NAB1: variants seen among roughly 807,000 people sequenced by gnomAD.
NAB1 encodes the protein NGFI-A binding protein 1, also known as NGFI-A-binding protein 1.
NAB1 carries 25 observed loss-of-function variants against 49.9 expected under a neutral mutation model. The observed-to-expected ratio is 0.50, with a 90% CI of 0.37 to 0.70. The LOEUF is 0.70. Ranked by LOEUF, NAB1 falls within the 30% of genes least tolerant of loss-of-function variation. The pLI, the probability that NAB1 is intolerant of heterozygous loss-of-function variation, is 0.00. For missense variants in NAB1, 489 were observed against 575.9 expected (o/e 0.85, Z 1.54); for synonymous variants, 198 against 215.6 (o/e 0.92, Z 0.71).
chr2:190,650,431 A>T (rs1490356826), intron 2 of NAB1, among the ~76,000 whole-genome samples: 2 of 152,226 alleles, frequency 1.3e-5, no homozygotes, highest in Non-Finnish European at 2.9e-5. Context: ...ATAATATGAG[A>T]TTGCATAGGA....
In NAB1 at chr2:190,690,386, C is replaced by T. The variant is rs1695896096; in HGVS notation, c.*53C>T. 7.5e-7 allele frequency: 1 copy of T among 1,332,914 alleles called. No individual in the cohort carries two copies. 82.6% of individuals were successfully genotyped at this position (1,332,914 alleles called of 1,614,324 possible). ...AATGGCATCAGATTTAAGGATAATA[C>T]TCCATCATAGAAATAAGCCTTAATA... is the stretch of plus-strand genomic sequence containing the variant. On this transcript the variant is annotated 3_prime_UTR_variant, in exon 10 of 10. Transcript: ENST00000337386.
Position 190,659,576 on chromosome 2 carries a change from A to G in NAB1, c.400A>G (p.Thr134Ala). The G allele has an allele frequency of 1.2e-6, 2 of 1,614,234 alleles. No individual in the cohort carries two copies. Among genetic ancestry groups the G allele is most frequent in the Non-Finnish European group, 1.7e-6 (2 of 1,180,040 alleles). ...HLKIPKCAAT[T>A]CVQSLGQGKS... ...AAAAATCCCCAAATGTGCTGCCACC[A>G]CCTGTGTGCAGAGCTTGGGACAGGG... Residue 134 changes from threonine (T) to alanine (A), a missense_variant, in exon 4 of 10, where the codon ACC (threonine) becomes GCC (alanine). Coordinates refer to ENST00000337386, the MANE Select transcript of NAB1 (RefSeq NM_005966.4). The surrounding 1 kb of genome is among the most constrained non-coding windows in gnomAD (Gnocchi z 6.2).
intron 2 of NAB1, 95 bp from the exon 3 acceptor site, chr2:190,655,882 G>A (rs570909663): frequency 2.0e-5 from 3 of 152,298 alleles, no homozygotes; most frequent in South Asian, 4.1e-4. Flanking sequence ...AATGATTACC[G>A]TTTAAAAGAT....
At chr2:190,683,369 C>T (rs1695451625) in intron 6 of NAB1, among the ~76,000 whole-genome samples, 1 of 140,258 alleles carries the variant, frequency 7.1e-6, no homozygotes, top group African/African-American at 2.7e-5. Context: ...TGGTCTCGAA[C>T]TCCTGACCTC....
rs890262927 is a variant in NAB1, at chr2:190,657,626, G to T, written c.-20+1473G>T. Among the ~76,000 whole-genome samples, 3 of 152,206 alleles carry T rather than the reference G, an allele frequency of 2.0e-5. No homozygotes were observed. Among genetic ancestry groups the T allele is most frequent in the African/African-American group, 7.2e-5 (3 of 41,462 alleles). On this transcript the variant is annotated intron_variant, in intron 3 of 9. Transcript: ENST00000337386. The surrounding 1 kb of genome is among the most constrained non-coding windows in gnomAD (Gnocchi z 4.4). ...CCATACTAGCCCTTGCAAAGAAAGA[G>T]ACATAAAATTTGCGGAAGTCAAAAC...
chr2:190,682,734 A>T lies in NAB1; in HGVS notation c.1006-1004A>T. ...TACAACTATAGCATATAAAACAGGC[A>T]TATAAAAATTAAATGATTTTTGAGT... is the stretch of plus-strand genomic sequence containing the variant. On this transcript the variant is annotated intron_variant, in intron 6 of 9. Transcript: ENST00000337386. This position sits in a 1 kb window ranked among gnomAD's most constrained non-coding sequence, Gnocchi z 4.1. 6.6e-6 allele frequency among the ~76,000 whole-genome samples: 1 copy of T among 152,226 alleles called. No individual in the cohort carries two copies. The highest frequency in any genetic ancestry group is 1.9e-4 in the East Asian group (1 of 5,198).
At chr2:190,690,029 C>CGTCTATACA (rs1446936027) in intron 9 of NAB1, among the ~76,000 whole-genome samples, 1 of 14,048 alleles carries the variant, frequency 7.1e-5, no homozygotes, top group East Asian at 1.4e-3. Context: ...TATATGTATA[C>CGTCTATACA]TATATGTATA....
chr2:190,671,347 T>A (rs776293493), intron 5 of NAB1, among the ~76,000 whole-genome samples: 5 of 152,234 alleles, frequency 3.3e-5, no homozygotes, highest in Non-Finnish European at 5.9e-5. Flanking sequence ...TTGCCATCAT[T>A]ACCATTATTT....
Position 190,659,136 on chromosome 2 carries a change from CTTTTTT to C in NAB1, c.-19-11_-19-6del. 8.4e-7 allele frequency: 1 copy of C among 1,190,324 alleles called. No homozygotes were observed. The allele number at this position is 1,190,324 out of a possible 1,614,324, so 73.7% of individuals were successfully genotyped here. A position where few individuals can be genotyped will look rare whatever the true frequency, so the allele number is the denominator to read the frequency against. ...TTGAAGCAAGTATGATGAGTTTTTACTTTTTTTTTTTTTTTTGGCAGGTTAAACCCA... is the reference window on the plus strand; with the variant it reads ...TTGAAGCAAGTATGATGAGTTTTTACTTTTTTTTTTGGCAGGTTAAACCCA... On this transcript the variant is annotated splice_polypyrimidine_tract_variant and intron_variant, in intron 3 of 9. Transcript: ENST00000337386. The surrounding 1 kb of genome is among the most constrained non-coding windows in gnomAD (Gnocchi z 6.2).
chr2:190,650,195 G>C (rs1462493089), intron 2 of NAB1, among the ~76,000 whole-genome samples: 1 of 152,182 alleles, frequency 6.6e-6, no homozygotes, highest in Non-Finnish European at 1.5e-5. Context: ...GGGAGGAATC[G>C]TAGACTTGCA....
In NAB1 at chr2:190,690,331, T is replaced by C. The variant is rs758881315; in HGVS notation, c.1462T>C (p.Ter488GlnextTer2). 3 of 1,603,644 alleles carry C rather than the reference T, an allele frequency of 1.9e-6. No homozygotes were observed. The Admixed American group carries it at 5.0e-5, about 27-fold the overall frequency. ...VIKTEPEDSR[*>Q] ...CAAAACAGAGCCTGAAGATTCAAGA[T>C]AGCTGTGATTTCTCTCACCGTTCTC... Residue 488 changes from the stop codon to glutamine, a stop_lost, in exon 10 of 10, where the codon TAG becomes CAG. Transcript: ENST00000337386.
In NAB1 at chr2:190,692,077, G is replaced by A. The variant is rs562819691; in HGVS notation, c.*1744G>A. 1 of 152,476 alleles carries A rather than the reference G, an allele frequency of 6.6e-6. No homozygotes were observed. The highest frequency in any genetic ancestry group is 1.9e-4 in the East Asian group (1 of 5,160). 9.4% of individuals were successfully genotyped at this position (152,476 alleles called of 1,614,324 possible). On this transcript the variant is annotated 3_prime_UTR_variant, in exon 10 of 10. Coordinates refer to ENST00000337386, the MANE Select transcript of NAB1 (RefSeq NM_005966.4). This position sits in a 1 kb window ranked among gnomAD's most constrained non-coding sequence, Gnocchi z 5.2. The stretch of plus-strand genomic sequence containing the variant: ...GCAACTTTGTTGCTAGCTTGAGGTT[G>A]ATTATTGTGGTTGTATTGTTCACTG...
chr2:190,667,522 TAG>T lies in NAB1; in HGVS notation c.820-2803_820-2802del, dbSNP rs944320420. ...TAACATTGTGCCTTTCAAAGGCACTTAGGGGAGGAATTTATCTATTGATGACT... is the reference window on the plus strand; with the variant it reads ...TAACATTGTGCCTTTCAAAGGCACTTGGGAGGAATTTATCTATTGATGACT... On this transcript the variant is annotated intron_variant, in intron 4 of 9. Transcript: ENST00000337386. This position sits in a 1 kb window ranked among gnomAD's most constrained non-coding sequence, Gnocchi z 4.4. Among the ~76,000 whole-genome samples, 1 of 152,216 alleles carries T rather than the reference TAG, an allele frequency of 6.6e-6. No homozygotes were observed. The highest frequency in any genetic ancestry group is 6.5e-5 in the Admixed American group (1 of 15,280).
chr2:190,664,892 T>A (rs1694433030), intron 4 of NAB1, among the ~76,000 whole-genome samples: 1 of 151,696 alleles, frequency 6.6e-6, no homozygotes, highest in Non-Finnish European at 1.5e-5. Flanking sequence ...ACATTTATTA[T>A]ATGACTAATA....
Position 190,689,342 on chromosome 2 carries a change from T to C in NAB1, c.1376-903T>C, listed in dbSNP as rs920585451. 2.6e-5 allele frequency among the ~76,000 whole-genome samples: 4 copies of C among 152,208 alleles called. No individual in the cohort carries two copies. The highest frequency in any genetic ancestry group is 9.6e-5 in the African/African-American group (4 of 41,460). On this transcript the variant is annotated intron_variant, in intron 9 of 9. Coordinates refer to ENST00000337386, the MANE Select transcript of NAB1 (RefSeq NM_005966.4). The surrounding 1 kb of genome is among the most constrained non-coding windows in gnomAD (Gnocchi z 4.3). ...GATAGTGTACCTGCATCGTACACTA[T>C]CTATTCCAGCCAGCAGGAATTCAAT... is the stretch of plus-strand genomic sequence containing the variant.
Position 190,692,318 on chromosome 2 carries a change from A to G in NAB1, c.*1985A>G, listed in dbSNP as rs893245533. 1 of 152,570 alleles carries G rather than the reference A, an allele frequency of 6.6e-6. No individual in the cohort carries two copies. The highest frequency in any genetic ancestry group is 2.4e-5 in the African/African-American group (1 of 41,416). The allele number at this position is 152,570 out of a possible 1,614,324, so 9.5% of individuals were successfully genotyped here. A position where few individuals can be genotyped will look rare whatever the true frequency, so the allele number is the denominator to read the frequency against. The stretch of plus-strand genomic sequence containing the variant: ...AGATGCAGTAATCTTCCAACTTCCA[A>G]TATTTATCCATTCGTTGTGGACCCA... On this transcript the variant is annotated 3_prime_UTR_variant, in exon 10 of 10. Coordinates refer to ENST00000337386, the MANE Select transcript of NAB1 (RefSeq NM_005966.4). This position sits in a 1 kb window ranked among gnomAD's most constrained non-coding sequence, Gnocchi z 5.2.
rs955779780 is a variant in NAB1 at position 190,685,171 on chromosome 2, TC to T, written c.1096-303del. On this transcript the variant is annotated intron_variant, in intron 7 of 9. Coordinates refer to ENST00000337386, the MANE Select transcript of NAB1 (RefSeq NM_005966.4). The surrounding 1 kb of genome is among the most constrained non-coding windows in gnomAD (Gnocchi z 4.5). ...GCTTTTAGATTTCTGTTTTAAAAAA[TC>T]CTTTAAAGGACTTAGTACCTTGGAA... is the stretch of plus-strand genomic sequence containing the variant. Among the ~76,000 whole-genome samples, 12 of 152,212 alleles carry T rather than the reference TC, an allele frequency of 7.9e-5. No individual in the cohort carries two copies. Among genetic ancestry groups the T allele is most frequent in the African/African-American group, 2.7e-4 (11 of 41,456 alleles).
At position 190,675,863 on chromosome 2, in the gene NAB1, G is replaced by T. The variant is rs1444815000; in HGVS notation, c.1005+2711G>T. Among the ~76,000 whole-genome samples, 3 of 152,148 alleles carry T rather than the reference G, an allele frequency of 2.0e-5. No homozygotes were observed. The highest frequency in any genetic ancestry group is 6.5e-5 in the Admixed American group (1 of 15,276). ...TCATCAGTATCTCTTGAACGTGTGT[G>T]TGTCTTGTGTGTATGTATACCTACA... On this transcript the variant is annotated intron_variant, in intron 6 of 9. Transcript: ENST00000337386. This position sits in a 1 kb window ranked among gnomAD's most constrained non-coding sequence, Gnocchi z 5.2.
intron 3 of NAB1, among the ~76,000 whole-genome samples, chr2:190,656,748 C>G (rs972600770): frequency 6.6e-6 from 1 of 151,856 alleles, no homozygotes; most frequent in African/African-American, 2.4e-5. Flanking sequence ...AAGCTTGAGT[C>G]TTTTAGTTCT....
Sources: gnomAD v4.1 joint callset for allele counts (sites outside exome capture counted in the v4.1 genomes callset) on GRCh38, gnomAD v4.1.1 for gene constraint, Gnocchi (gnomAD v3.1) non-coding constraint, MANE v1.5 for transcripts, NCBI Gene and HGNC (gene_info 2026-07-23, HGNC 2026-07-21) for gene names.